CLCN7: variants seen among roughly 807,000 people sequenced by gnomAD.
CLCN7 encodes H(+)/Cl(-) exchange transporter 7.
Under a neutral mutation model 102.1 loss-of-function variants are expected in CLCN7, and 60 were observed. The observed-to-expected ratio is 0.59, with a 90% confidence interval of 0.48 to 0.73. The LOEUF is 0.73. Ranked by LOEUF, CLCN7 falls within the 30% of genes least tolerant of loss-of-function variation. CLCN7 has a pLI of 0.00. For missense variants in CLCN7, 962 were observed against 1,125.7 expected (o/e 0.85, Z 2.08); for synonymous variants, 560 against 490.5 (o/e 1.14, Z -1.87).
At chr16:1,464,138 G>A (rs1167254555) in intron 2 of CLCN7, among the ~76,000 whole-genome samples, 2 of 152,106 alleles carry the variant, frequency 1.3e-5, no homozygotes, top group Non-Finnish European at 1.5e-5. Context: ...AAAACCCACT[G>A]AACGGGAGAA....
intron 1 of CLCN7, chr16:1,467,820 C>T (rs1473107936): frequency 6.6e-6 from 1 of 152,460 alleles, no homozygotes; most frequent in African/African-American, 2.4e-5. Context: ...CGTGGTGGCT[C>T]ACGCCTGTAA....
intron 9 of CLCN7, among the ~76,000 whole-genome samples, chr16:1,456,838 C>CAA (rs34329111): frequency 0.088 from 9,451 of 107,730 alleles, 418 homozygotes; most frequent in Non-Finnish European, 0.12. Context: ...GACTCCATCT[C>CAA]AAAAAAAAAA....
At position 1,460,447 on chromosome 16, in the gene CLCN7, C is replaced by T. The variant is rs764870423; in HGVS notation, c.565G>A (p.Val189Met). Residue 189 changes from valine (V) to methionine (M), a missense_variant, in exon 6 of 25, where the codon GTG becomes ATG. This residue lies in a region of CLCN7 where 799 missense variants were observed against 988.0 expected (regional missense o/e 0.81). Coordinates refer to ENST00000382745, the MANE Select transcript of CLCN7 (RefSeq NM_001287.6). ...ATGAAAGCCACAATCACAGAGCCCACGAGCACGAAGGCGGCGTTCAGCGTG... is the reference window on the plus strand; with the variant it reads ...ATGAAAGCCACAATCACAGAGCCCATGAGCACGAAGGCGGCGTTCAGCGTG... ...WATLNAAFVLVGSVIVAFIEP... is the reference protein window; with the variant it reads ...WATLNAAFVLMGSVIVAFIEP... 1.1e-5 allele frequency: 18 copies of T among 1,613,488 alleles called. No homozygotes were observed. In the Admixed American group the frequency reaches 1.3e-4, roughly 12 times the overall value.
chr16:1,462,365 CTTTTTTTTTTT>C lies in CLCN7; in HGVS notation c.214-702_214-692del, dbSNP rs59931924. Reference sequence around the variant, plus strand: ...GCAACAGAGTAAAACCCTCATCTGTCTTTTTTTTTTTTTTTTTTTTTTTTTTTTTGAGATAC... The same window carrying C: ...GCAACAGAGTAAAACCCTCATCTGTCTTTTTTTTTTTTTTTTTTGAGATAC... On this transcript the variant is annotated intron_variant, in intron 2 of 24. Coordinates refer to ENST00000382745, the MANE Select transcript of CLCN7 (RefSeq NM_001287.6). Among the ~76,000 whole-genome samples, 43 of 80,612 alleles carry C rather than the reference CTTTTTTTTTTT, an allele frequency of 5.3e-4. 1 individual carries two copies. Among genetic ancestry groups the C allele is most frequent in the Admixed American group, 1.0e-3 (7 of 6,684 alleles). 52.9% of individuals were successfully genotyped at this position (80,612 alleles called of 152,430 possible).
intron 21 of CLCN7, 135 bp from the exon 22 acceptor site, chr16:1,447,849 C>T: frequency 1.1e-6 from 1 of 934,636 alleles, no homozygotes; most frequent in Non-Finnish European, 1.7e-6. Context: ...CGGTGGCTAC[C>T]TGCTCACACC....
At chr16:1,466,915 C>A (rs1365450070) in intron 1 of CLCN7, 1 of 108,548 alleles carries the variant, frequency 9.2e-6, no homozygotes, top group Admixed American at 1.4e-4. Flanking sequence ...AACAGCAAGA[C>A]TCTGTCTCAA....
At chr16:1,463,751 G>A (rs1289563578) in intron 2 of CLCN7, among the ~76,000 whole-genome samples, 1 of 149,538 alleles carries the variant, frequency 6.7e-6, no homozygotes, top group African/African-American at 2.5e-5. Flanking sequence ...GGGATTACAG[G>A]TGTGAACCAC....
chr16:1,459,491 C>T (rs895536383), intron 6 of CLCN7: 1 of 347,130 alleles, frequency 2.9e-6, no homozygotes, highest in African/African-American at 2.7e-5. Flanking sequence ...AAGGGGAGAG[C>T]AGCACACATG....
intron 1 of CLCN7, among the ~76,000 whole-genome samples, chr16:1,473,407 C>G (rs568530338): frequency 8.4e-4 from 102 of 120,862 alleles, no homozygotes; most frequent in Middle Eastern, 6.6e-3. Context: ...GACGGAGTCT[C>G]GCTCTGCCCA....
At chr16:1,450,384 C>T in intron 17 of CLCN7, 113 bp downstream of exon 17, 1 of 1,138,436 alleles carries the variant, frequency 8.8e-7, no homozygotes, top group Non-Finnish European at 1.3e-6. Context: ...GGCCCGTGAA[C>T]CACGTGAGGT....
At chr16:1,455,507 C>A in intron 11 of CLCN7, 1 of 660,306 alleles carries the variant, frequency 1.5e-6, no homozygotes, top group East Asian at 2.7e-5. Context: ...CTGTTTGATC[C>A]CCTACCCGGG....
intron 4 of CLCN7, 38 bp downstream of exon 4, chr16:1,461,367 G>C: frequency 1.3e-6 from 2 of 1,521,206 alleles, no homozygotes; most frequent in South Asian, 2.4e-5. Flanking sequence ...ACCAGGCCCC[G>C]CACCGTGGGG....
intron 13 of CLCN7, 150 bp from the exon 14 acceptor site, chr16:1,454,044 C>A (rs536378036): frequency 2.6e-6 from 2 of 754,838 alleles, no homozygotes; most frequent in Non-Finnish European, 4.6e-6. Context: ...GCTTCCTCCA[C>A]ATCATCACAC....
At chr16:1,448,878 C>A in intron 19 of CLCN7, 88 bp downstream of exon 19, 1 of 1,598,960 alleles carries the variant, frequency 6.3e-7, no homozygotes, top group Non-Finnish European at 8.5e-7. Context: ...GCCTACCCCC[C>A]GGGACCGGCT....
chr16:1,470,806 C>T (rs1016569817), intron 1 of CLCN7, among the ~76,000 whole-genome samples: 15 of 152,174 alleles, frequency 9.9e-5, no homozygotes, highest in African/African-American at 2.9e-4. Flanking sequence ...TCTGTGGCTC[C>T]GGGTGCCCAG....
At chr16:1,470,931 CCT>C (rs1022932176) in intron 1 of CLCN7, among the ~76,000 whole-genome samples, 2 of 152,214 alleles carry the variant, frequency 1.3e-5, no homozygotes, top group African/African-American at 2.4e-5. Flanking sequence ...CTCACTGCCC[CCT>C]GAGACCCAAG....
intron 15 of CLCN7, chr16:1,452,080 T>A (rs1596215134): frequency 3.0e-5 from 10 of 338,340 alleles, no homozygotes; most frequent in South Asian, 2.2e-4. Flanking sequence ...GGCGCCCCGG[T>A]GCCACAGGCC....
rs1662936174 is a variant in CLCN7, at chr16:1,445,081, C to T, written c.*1550G>A. The T allele has an allele frequency of 6.6e-6, 1 of 152,294 alleles. No individual in the cohort carries two copies. Among genetic ancestry groups the T allele is most frequent in the African/African-American group, 2.4e-5 (1 of 41,448 alleles). The allele number at this position is 152,294 out of a possible 1,614,324, so 9.4% of individuals were successfully genotyped here. A position where few individuals can be genotyped will look rare whatever the true frequency, so the allele number is the denominator to read the frequency against. On this transcript the variant is annotated 3_prime_UTR_variant, in exon 25 of 25. Coordinates refer to ENST00000382745, the MANE Select transcript of CLCN7 (RefSeq NM_001287.6). ...CCCGGGAGTTTTCTTCTTGCGTCAC[C>T]CCAGCGTGGGCACCCCGGCCCGCCC...
intron 20 of CLCN7, 29 bp from the exon 21 acceptor site, chr16:1,448,513 C>A (rs775952252): frequency 6.2e-7 from 1 of 1,605,934 alleles, no homozygotes; most frequent in Admixed American, 1.7e-5. Context: ...CACACATGCC[C>A]GTCACACGCC....
Sources: gnomAD v4.1 joint callset for allele counts (sites outside exome capture counted in the v4.1 genomes callset) on GRCh38, gnomAD v4.1.1 for gene constraint, gnomAD v4.1.1 regional missense constraint, MANE v1.5 for transcripts, NCBI Gene and HGNC (gene_info 2026-07-23, HGNC 2026-07-21) for gene names.